Variants in CMIP observed in about 807,000 individuals in gnomAD.
CMIP encodes the protein c-Maf inducing protein, also known as C-Maf-inducing protein.
CMIP carries 13 observed loss-of-function variants against 97.3 expected under a neutral mutation model. The ratio of observed to expected loss-of-function variants is 0.13; its 90% CI spans 0.09 to 0.21. CMIP has a LOEUF of 0.21. CMIP is among the 10% of genes least tolerant of loss of function. CMIP has a pLI of 1.00. For missense variants in CMIP, 847 were observed against 1,024.9 expected (o/e 0.83, Z 2.37); for synonymous variants, 538 against 436.3 (o/e 1.23, Z -2.91).
chr16:81,637,188 A>T (rs896372624), intron 3 of CMIP, among the ~76,000 whole-genome samples: 3 of 152,090 alleles, frequency 2.0e-5, no homozygotes, highest in Admixed American at 1.3e-4. Context: ...CTCCTGCCCC[A>T]GCCTCCCAAG....
intron 3 of CMIP, among the ~76,000 whole-genome samples, chr16:81,651,876 G>C (rs998000084): frequency 6.6e-6 from 1 of 151,984 alleles, no homozygotes; most frequent in African/African-American, 2.4e-5. Context: ...TGTGTACCTC[G>C]GTTTCTTCAT....
intron 11 of CMIP, among the ~76,000 whole-genome samples, chr16:81,692,716 G>A (rs770592971): frequency 2.0e-5 from 3 of 152,288 alleles, no homozygotes; most frequent in South Asian, 4.1e-4. Flanking sequence ...CTCAGTCCCC[G>A]TCCCCATAGG....
chr16:81,528,105 A>G lies in CMIP; in HGVS notation c.301-79462A>G, dbSNP rs756027352. On this transcript the variant is annotated intron_variant, in intron 1 of 20. Coordinates refer to ENST00000537098, the MANE Select transcript of CMIP (RefSeq NM_198390.3). ...CAACTTGTTATTGTCAGTCTTTTAA[A>G]TTTTAGCCATTTTGGTGGGTATATA... 1.1e-4 allele frequency among the ~76,000 whole-genome samples: 16 copies of G among 152,150 alleles called. 1 individual carries two copies. The highest frequency in any genetic ancestry group is 2.1e-4 in the Non-Finnish European group (14 of 68,018).
intron 1 of CMIP, among the ~76,000 whole-genome samples, chr16:81,450,066 C>T (rs1348591266): frequency 6.6e-6 from 1 of 152,154 alleles, no homozygotes; most frequent in African/African-American, 2.4e-5. Context: ...CCTGCCTGCT[C>T]CTTAGTGTCT....
At chr16:81,632,891 G>T (rs1194394933) in intron 3 of CMIP, among the ~76,000 whole-genome samples, 1 of 152,140 alleles carries the variant, frequency 6.6e-6, no homozygotes, top group Non-Finnish European at 1.5e-5. Context: ...CACCTTCTGG[G>T]TAAAGGTCTT....
intron 1 of CMIP, among the ~76,000 whole-genome samples, chr16:81,594,366 A>T (rs1348369425): frequency 6.6e-6 from 1 of 151,250 alleles, no homozygotes; most frequent in Non-Finnish European, 1.5e-5. Flanking sequence ...GCCATCCACC[A>T]GCCTCAGCCT....
At chr16:81,488,132 G>A (rs2089348243) in intron 1 of CMIP, among the ~76,000 whole-genome samples, 1 of 132,316 alleles carries the variant, frequency 7.6e-6, no homozygotes, top group African/African-American at 2.8e-5. Context: ...TTGGCTGCAT[G>A]ACCTTAGCAT....
chr16:81,581,974 G>T (rs1337036327), intron 1 of CMIP, among the ~76,000 whole-genome samples: 2 of 152,222 alleles, frequency 1.3e-5, no homozygotes, highest in Non-Finnish European at 2.9e-5. Context: ...AAGCATGGCA[G>T]CATCAGCTTC....
chr16:81,459,018 C>G (rs1469564378), intron 1 of CMIP, among the ~76,000 whole-genome samples: 1 of 135,504 alleles, frequency 7.4e-6, no homozygotes, highest in African/African-American at 2.5e-5. Context: ...GTCACCGTCA[C>G]CATCACTGTC....
At chr16:81,662,938 C>T (rs1210872106) in intron 6 of CMIP, among the ~76,000 whole-genome samples, 1 of 152,038 alleles carries the variant, frequency 6.6e-6, no homozygotes, top group Non-Finnish European at 1.5e-5. Context: ...TCTTTCAGAC[C>T]AAACATGCAG....
rs1412193310 is a variant in CMIP at position 81,544,973 on chromosome 16, A to T, written c.301-62594A>T. Among the ~76,000 whole-genome samples, 6 of 152,068 alleles carry T rather than the reference A, an allele frequency of 3.9e-5. No individual in the cohort carries two copies. The East Asian group carries it at 9.6e-4, about 24-fold the overall frequency. On this transcript the variant is annotated intron_variant, in intron 1 of 20. Coordinates refer to ENST00000537098, the MANE Select transcript of CMIP (RefSeq NM_198390.3). ...AGGCTGCCAAATTGGGGCCAGACTC[A>T]ATCTTTTCATTTTCATCTCCTGCCA...
At chr16:81,698,280 T>TC (rs1906989830) in intron 14 of CMIP, among the ~76,000 whole-genome samples, 2 of 151,982 alleles carry the variant, frequency 1.3e-5, no homozygotes, top group Admixed American at 6.5e-5. Context: ...TGTCGAGGCC[T>TC]CCCCCCAGCC....
At chr16:81,544,625 T>G (rs1185763203) in intron 1 of CMIP, among the ~76,000 whole-genome samples, 1 of 152,060 alleles carries the variant, frequency 6.6e-6, no homozygotes, top group East Asian at 1.9e-4. Flanking sequence ...GGGGTGCATG[T>G]GTGCATGTGT....
chr16:81,555,092 A>C (rs2090735608), intron 1 of CMIP, among the ~76,000 whole-genome samples: 1 of 152,142 alleles, frequency 6.6e-6, no homozygotes, highest in African/African-American at 2.4e-5. Context: ...ACTTTCCCAC[A>C]CACGCAAGGC....
chr16:81,707,200 A>G, intron 20 of CMIP, 116 bp downstream of exon 20: 1 of 803,392 alleles, frequency 1.2e-6, no homozygotes, highest in South Asian at 1.6e-5. Flanking sequence ...ACATCTACAG[A>G]TCAATACATA....
In CMIP at chr16:81,616,374, G is replaced by C. The variant is rs1218370639; in HGVS notation, c.427-4502G>C. 6.6e-6 allele frequency among the ~76,000 whole-genome samples: 1 copy of C among 152,194 alleles called. No individual in the cohort carries two copies. The highest frequency in any genetic ancestry group is 1.9e-4 in the East Asian group (1 of 5,198). On this transcript the variant is annotated intron_variant, in intron 2 of 20. Transcript: ENST00000537098. This position sits in a 1 kb window ranked among gnomAD's most constrained non-coding sequence, Gnocchi z 4.7. ...GTGGGGAGGGCAGGGGCAGGCGCCG[G>C]AGTGTGCAGAGGCACCCCACTGCCT...
At chr16:81,659,958 T>A (rs2092526310) in intron 5 of CMIP, among the ~76,000 whole-genome samples, 1 of 152,252 alleles carries the variant, frequency 6.6e-6, no homozygotes, top group African/African-American at 2.4e-5. Context: ...ATCCTCTTAT[T>A]TGCCCTATTG....
At chr16:81,684,218 G>T (rs1050035584) in intron 10 of CMIP, among the ~76,000 whole-genome samples, 2 of 151,564 alleles carry the variant, frequency 1.3e-5, no homozygotes, top group African/African-American at 4.8e-5. Flanking sequence ...TTTTCCTGAG[G>T]TCCTCCGGCC....
At chr16:81,603,651 C>T (rs147706390) in intron 1 of CMIP, among the ~76,000 whole-genome samples, 42 of 152,310 alleles carry the variant, frequency 2.8e-4, no homozygotes, top group African/African-American at 9.6e-4. Context: ...CCTGTAGTCA[C>T]GTCTCCCAAA....
Sources: gnomAD v4.1 joint callset for allele counts (sites outside exome capture counted in the v4.1 genomes callset) on GRCh38, gnomAD v4.1.1 for gene constraint, Gnocchi (gnomAD v3.1) non-coding constraint, MANE v1.5 for transcripts, NCBI Gene and HGNC (gene_info 2026-07-23, HGNC 2026-07-21) for gene names.